TNK2: variants seen among roughly 807,000 people sequenced by gnomAD.
The protein encoded by TNK2 is tyrosine kinase non receptor 2, also known as activated CDC42 kinase 1.
TNK2 carries 83 observed loss-of-function variants against 101.8 expected under a neutral mutation model. The ratio of observed to expected loss-of-function variants is 0.82; its 90% CI spans 0.68 to 0.98. TNK2 has a LOEUF of 0.98. TNK2 is among the 50% of genes least tolerant of loss of function. The pLI, the probability that TNK2 is intolerant of heterozygous loss-of-function variation, is 0.00. For synonymous variants in TNK2, 804 were observed against 633.0 expected (o/e 1.27, Z -4.06); for missense variants, 1,665 against 1,483.2 (o/e 1.12, Z -2.01).
intron 1 of TNK2, among the ~76,000 whole-genome samples, chr3:195,905,225 A>G (rs1449235094): frequency 6.6e-6 from 1 of 152,162 alleles, no homozygotes; most frequent in Non-Finnish European, 1.5e-5. Flanking sequence ...TTTGAGATGG[A>G]GTCTCACACT....
chr3:195,885,662 C>T lies in TNK2; in HGVS notation c.235-629G>A, dbSNP rs1404599089. 6 of 1,128,896 alleles carry T rather than the reference C, an allele frequency of 5.3e-6. No individual in the cohort carries two copies. The highest frequency in any genetic ancestry group is 4.8e-5 in the African/African-American group (3 of 62,382). The allele number at this position is 1,128,896 out of a possible 1,614,324, so 69.9% of individuals were successfully genotyped here. ...GAAGACAGCTGGGTCTCTGGAGGGG[C>T]GCCTAGAGCTGAGGGCTGAGACGGA... On this transcript the variant is annotated intron_variant, in intron 3 of 15. Coordinates refer to ENST00000672887, the MANE Select transcript of TNK2 (RefSeq NM_001382273.1). The surrounding 1 kb of genome is among the most constrained non-coding windows in gnomAD (Gnocchi z 4.7).
At position 195,879,149 on chromosome 3, in the gene TNK2, CGT is replaced by C; in HGVS notation, c.912_913del (p.Arg305HisfsTer37). 1 of 1,613,700 alleles carries C rather than the reference CGT, an allele frequency of 6.2e-7. No individual in the cohort carries two copies. The highest frequency in any genetic ancestry group is 8.5e-7 in the Non-Finnish European group (1 of 1,179,986). On this transcript the variant is annotated frameshift_variant, in exon 7 of 16. Coordinates refer to ENST00000672887, the MANE Select transcript of TNK2 (RefSeq NM_001382273.1). LOFTEE classifies it high-confidence loss of function. ...GGTGTCGCTGGCATGGGAGAAGGTGCGTGTCTTCAGGCTCTCGGGGGCACACC... is the reference window on the plus strand; with the variant it reads ...GGTGTCGCTGGCATGGGAGAAGGTGCGTCTTCAGGCTCTCGGGGGCACACC...
intron 9 of TNK2, among the ~76,000 whole-genome samples, chr3:195,873,706 G>C (rs1747096310): frequency 1.3e-5 from 2 of 152,330 alleles, no homozygotes; most frequent in African/African-American, 4.8e-5. Flanking sequence ...GGCGACGCCT[G>C]GGCACCCAGA....
At position 195,885,488 on chromosome 3, in the gene TNK2, T is replaced by C; in HGVS notation, c.235-455A>G. Reference sequence around the variant, plus strand: ...TTTAGCCCTGGCCCCTTCTCTGGCCTGACCATTTGGTGCTGTCTGTCTCCA... The same window carrying C: ...TTTAGCCCTGGCCCCTTCTCTGGCCCGACCATTTGGTGCTGTCTGTCTCCA... On this transcript the variant is annotated intron_variant, in intron 3 of 15. Transcript: ENST00000672887. This position sits in a 1 kb window ranked among gnomAD's most constrained non-coding sequence, Gnocchi z 4.7. 1 of 1,298,124 alleles carries C rather than the reference T, an allele frequency of 7.7e-7. No homozygotes were observed. Among genetic ancestry groups the C allele is most frequent in the Non-Finnish European group, 1.0e-6 (1 of 994,660 alleles). The allele number at this position is 1,298,124 out of a possible 1,614,324, so 80.4% of individuals were successfully genotyped here.
At position 195,870,703 on chromosome 3, in the gene TNK2, G is replaced by T. The variant is rs547108878; in HGVS notation, c.1452-498C>A. Among the ~76,000 whole-genome samples, 18 of 152,398 alleles carry T rather than the reference G, an allele frequency of 1.2e-4. 1 individual carries two copies. In the South Asian group the frequency reaches 3.5e-3, roughly 30 times the overall value. On this transcript the variant is annotated intron_variant, in intron 10 of 15. Coordinates refer to ENST00000672887, the MANE Select transcript of TNK2 (RefSeq NM_001382273.1). The stretch of plus-strand genomic sequence containing the variant: ...GTCCCTGCACCAACTGTCAGTATCT[G>T]AGACTTAGTCACTGGGGCTGATTAA...
In TNK2 at chr3:195,885,007, A is replaced by G. The variant is rs201105197; in HGVS notation, c.261T>C (p.Ala87=). 4 of 1,606,712 alleles carry G rather than the reference A, an allele frequency of 2.5e-6. No homozygotes were observed. In the African/African-American group the frequency reaches 4.0e-5, roughly 16 times the overall value. Residue 87 remains alanine (A), a synonymous_variant, in exon 4 of 16, where the codon GCT becomes GCC. Transcript: ENST00000672887. The surrounding 1 kb of genome is among the most constrained non-coding windows in gnomAD (Gnocchi z 4.7). ...TCTGAGAGTGATGAGGTGGGAACTC[A>G]GCCTCCAGTCGCTTTCCACTGAACA... ...SKVFSGKRLE[A]EFPPHHSQST... is the part of the protein sequence containing the mutation.
intron 9 of TNK2, chr3:195,876,316 G>C (rs1749222191): frequency 4.7e-6 from 2 of 426,042 alleles, no homozygotes; most frequent in South Asian, 3.4e-5. Flanking sequence ...TGGCCTCCCA[G>C]ACTCCGCACC....
chr3:195,891,087 A>G (rs565834525), intron 1 of TNK2, among the ~76,000 whole-genome samples: 2 of 152,360 alleles, frequency 1.3e-5, no homozygotes, highest in Admixed American at 6.5e-5. Context: ...AACAGGTTAT[A>G]TATTTCTATT....
At chr3:195,879,384 A>G (rs1186872731) in intron 6 of TNK2, 1 of 586,408 alleles carries the variant, frequency 1.7e-6, no homozygotes, top group Non-Finnish European at 2.8e-6. Flanking sequence ...CAGGCCTCTT[A>G]TTCACTTGCA....
Position 195,883,217 on chromosome 3 carries a change from C to T in TNK2, c.549G>A (p.Ser183=), listed in dbSNP as rs1398115359. 9 of 1,611,156 alleles carry T rather than the reference C, an allele frequency of 5.6e-6. No homozygotes were observed. In the East Asian group the frequency reaches 6.7e-5, roughly 12 times the overall value. Residue 183 remains serine (S), a synonymous_variant, in exon 5 of 16, where the codon TCG becomes TCA. Transcript: ENST00000672887. ...GGCGGATGAGGTTTCGGTGGTCGAG[C>T]GAGTGCATGGCATTGACCTCCCGGA... ...DFIREVNAMH[S]LDHRNLIRLY...
rs1396165730 is a variant in TNK2, at chr3:195,867,744, C to T, written c.2554G>A (p.Gly852Ser). 1.3e-6 allele frequency: 2 copies of T among 1,598,880 alleles called. No individual in the cohort carries two copies. The highest frequency in any genetic ancestry group is 1.1e-5 in the South Asian group (1 of 89,364). ...YATPQVIQAPGPRAGPCILPI... is the reference protein window; with the variant it reads ...YATPQVIQAPSPRAGPCILPI... ...AGGATGCAGGGACCAGCCCGCGGGCCAGGGGCCTGGATCACCTGGGGGGTG... is the reference window on the plus strand; with the variant it reads ...AGGATGCAGGGACCAGCCCGCGGGCTAGGGGCCTGGATCACCTGGGGGGTG... Residue 852 changes from glycine (G) to serine (S), a missense_variant, in exon 13 of 16, where the codon GGC becomes AGC. Gly to Ser is a moderately conservative substitution (Grantham distance 56). Transcript: ENST00000672887.
chr3:195,880,724 C>T (rs1466491486), intron 6 of TNK2, among the ~76,000 whole-genome samples: 1 of 80,080 alleles, frequency 1.2e-5, no homozygotes, highest in African/African-American at 6.6e-5. Context: ...TAACACCCCC[C>T]CAGCAATGCC....
At chr3:195,895,135 A>T in intron 1 of TNK2, 1 of 1,024,810 alleles carries the variant, frequency 9.8e-7, no homozygotes, top group South Asian at 2.2e-5. Context: ...GCCCAGGAGC[A>T]GACACTCTCA....
chr3:195,869,685 C>G (rs967036814), intron 11 of TNK2, 144 bp from the exon 12 acceptor site: 1 of 847,194 alleles, frequency 1.2e-6, no homozygotes. Flanking sequence ...AAGCCCCCAG[C>G]AAACGGGAGG....
Position 195,867,355 on chromosome 3 carries a change from G to C in TNK2, c.2937+6C>G. 1 of 1,607,776 alleles carries C rather than the reference G, an allele frequency of 6.2e-7. No individual in the cohort carries two copies. Among genetic ancestry groups the C allele is most frequent in the Non-Finnish European group, 8.5e-7 (1 of 1,177,826 alleles). ...CGCTTCGCCCACAGCCAGGCTGGGTGCTCACCATCTGGATCTTGTCTGCTG... is the reference window on the plus strand; with the variant it reads ...CGCTTCGCCCACAGCCAGGCTGGGTCCTCACCATCTGGATCTTGTCTGCTG... On this transcript the variant is annotated splice_donor_region_variant and intron_variant, in intron 13 of 15. Transcript: ENST00000672887.
At chr3:195,889,276 T>C (rs778416743) in intron 1 of TNK2, among the ~76,000 whole-genome samples, 16 of 152,292 alleles carry the variant, frequency 1.1e-4, no homozygotes, top group Non-Finnish European at 1.3e-4. Flanking sequence ...CCATCAATGG[T>C]TGTCAGAAGA....
chr3:195,896,810 CCA>C (rs1491533663), intron 1 of TNK2: 2 of 152,324 alleles, frequency 1.3e-5, no homozygotes, highest in Admixed American at 6.5e-5. Context: ...CTTTATATCT[CCA>C]CTCTGCAGAG....
intron 10 of TNK2, among the ~76,000 whole-genome samples, chr3:195,871,626 G>GCCCGA (rs1208111077): frequency 6.6e-6 from 1 of 152,118 alleles, no homozygotes; most frequent in Non-Finnish European, 1.5e-5. Flanking sequence ...TTTTCCTAAG[G>GCCCGA]CCCGAGTACC....
intron 9 of TNK2, among the ~76,000 whole-genome samples, chr3:195,875,430 C>G (rs902731882): frequency 1.4e-5 from 2 of 144,030 alleles, no homozygotes; most frequent in Non-Finnish European, 3.0e-5. Context: ...AGCTCCCCCT[C>G]GGGATGGCGC....
Sources: allele counts gnomAD v4.1 joint callset (sites outside exome capture counted in the v4.1 genomes callset), GRCh38; gene constraint gnomAD v4.1.1; non-coding constraint Gnocchi (gnomAD v3.1); transcripts MANE v1.5; gene names NCBI Gene and HGNC (gene_info 2026-07-23, HGNC 2026-07-21).